Variants in RHEB observed in about 807,000 individuals in gnomAD.
RHEB encodes the protein GTP-binding protein Rheb.
A neutral mutation model predicts 28.8 loss-of-function variants in RHEB; 2 were observed. The ratio of observed to expected loss-of-function variants is 0.07; its 90% CI spans 0.03 to 0.22. The LOEUF is 0.22. Among genes scored for constraint, RHEB ranks in the 10% least tolerant of loss-of-function variants. The pLI, the probability that RHEB is intolerant of heterozygous loss-of-function variation, is 1.00. For missense variants in RHEB, 76 were observed against 219.9 expected (o/e 0.35, Z 4.14); for synonymous variants, 69 against 77.3 (o/e 0.89, Z 0.56).
At chr7:151,471,953 G>A (rs1802168430) in intron 4 of RHEB, 2 of 232,000 alleles carry the variant, frequency 8.6e-6, no homozygotes, top group South Asian at 1.6e-4. Flanking sequence ...TTCCTAGAGT[G>A]CCCTAGTACA....
intron 1 of RHEB, among the ~76,000 whole-genome samples, chr7:151,495,601 ATTATT>A (rs763803821): frequency 6.6e-6 from 1 of 152,174 alleles, no homozygotes; most frequent in Non-Finnish European, 1.5e-5. Context: ...TGTTTACAGA[ATTATT>A]TTAAGTTTTC....
intron 1 of RHEB, among the ~76,000 whole-genome samples, chr7:151,513,604 G>A (rs1371944035): frequency 3.9e-5 from 6 of 152,210 alleles, no homozygotes; most frequent in South Asian, 2.1e-4. Flanking sequence ...AGGCATGGTA[G>A]AAGATCCATT....
Position 151,474,980 on chromosome 7 carries a change from A to G in RHEB, c.275+2353T>C, listed in dbSNP as rs190805539. Reference sequence around the variant, plus strand: ...TGTTTGAGATTTGAGAATGCTCATTAAACTATGAGTTACTGAGGTAAAAGG... The same window carrying G: ...TGTTTGAGATTTGAGAATGCTCATTGAACTATGAGTTACTGAGGTAAAAGG... On this transcript the variant is annotated intron_variant, in intron 4 of 7. Transcript: ENST00000262187. Among the ~76,000 whole-genome samples, 233 of 152,368 alleles carry G rather than the reference A, an allele frequency of 1.5e-3. 1 individual carries two copies. Among genetic ancestry groups the G allele is most frequent in the African/African-American group, 5.4e-3 (226 of 41,590 alleles).
intron 1 of RHEB, among the ~76,000 whole-genome samples, chr7:151,510,392 A>C (rs936616250): frequency 6.6e-6 from 1 of 152,252 alleles, no homozygotes; most frequent in African/African-American, 2.4e-5. Flanking sequence ...CAAGTCACAT[A>C]AACTTTTTGT....
At chr7:151,485,872 G>A (rs970809675) in intron 2 of RHEB, among the ~76,000 whole-genome samples, 2 of 152,188 alleles carry the variant, frequency 1.3e-5, no homozygotes, top group African/African-American at 2.4e-5. Context: ...AAAGTCAGGT[G>A]AGTAAAGATA....
chr7:151,487,263 T>TGCA (rs1370266483), intron 2 of RHEB, among the ~76,000 whole-genome samples: 1 of 152,212 alleles, frequency 6.6e-6, no homozygotes, highest in Non-Finnish European at 1.5e-5. Context: ...ATCATGCCAC[T>TGCA]GCACTCCTGC....
At chr7:151,469,925 A>C (rs1802130768) in intron 7 of RHEB, among the ~76,000 whole-genome samples, 1 of 152,174 alleles carries the variant, frequency 6.6e-6, no homozygotes, top group African/African-American at 2.4e-5. Context: ...TAGAAAATTA[A>C]GGGCAGCAAA....
At chr7:151,485,424 A>C (rs1802454077) in intron 2 of RHEB, among the ~76,000 whole-genome samples, 1 of 152,250 alleles carries the variant, frequency 6.6e-6, no homozygotes, top group Non-Finnish European at 1.5e-5. Context: ...AAGTCAATTC[A>C]GAATTAGAGG....
At chr7:151,496,698 T>C (rs1802678006) in intron 1 of RHEB, among the ~76,000 whole-genome samples, 1 of 152,140 alleles carries the variant, frequency 6.6e-6, no homozygotes, top group South Asian at 2.1e-4. Flanking sequence ...CCAAGACAAA[T>C]CTTCCACTAC....
chr7:151,502,333 A>C, intron 1 of RHEB: 3 of 828,458 alleles, frequency 3.6e-6, no homozygotes, highest in Middle Eastern at 2.3e-4. Context: ...CAGTGGCAAA[A>C]ATGTTATCAG....
At position 151,517,174 on chromosome 7, in the gene RHEB, A is replaced by G. The variant is rs1344923965; in HGVS notation, c.52+2286T>C. Among the ~76,000 whole-genome samples the G allele has an allele frequency of 2.6e-5, 4 of 152,078 alleles. No homozygotes were observed. In the East Asian group the frequency reaches 7.7e-4, roughly 29 times the overall value. On this transcript the variant is annotated intron_variant, in intron 1 of 7. Transcript: ENST00000262187. The stretch of plus-strand genomic sequence containing the variant: ...AGGTCAGGCGTTTGAGACAAGCCTG[A>G]CGTTTGGCCAAGTGGTGAAACCCGT...
chr7:151,469,566 T>C (rs533518588), intron 7 of RHEB, among the ~76,000 whole-genome samples: 72 of 152,098 alleles, frequency 4.7e-4, no homozygotes, highest in South Asian at 6.2e-4. Flanking sequence ...CTCAGAGAAA[T>C]GAAAACCAAG....
At chr7:151,483,787 G>A (rs1201743342) in intron 3 of RHEB, among the ~76,000 whole-genome samples, 1 of 152,140 alleles carries the variant, frequency 6.6e-6, no homozygotes, top group Non-Finnish European at 1.5e-5. Context: ...AGTGAAGAAG[G>A]GTAAATTCAG....
chr7:151,470,419 C>T (rs1038258030), intron 7 of RHEB, 152 bp downstream of exon 7: 2 of 556,196 alleles, frequency 3.6e-6, no homozygotes, highest in Non-Finnish European at 6.5e-6. Context: ...GTAGTATCTT[C>T]CTAAAGCAAC....
At chr7:151,517,500 G>A (rs1252770656) in intron 1 of RHEB, among the ~76,000 whole-genome samples, 1 of 151,690 alleles carries the variant, frequency 6.6e-6, no homozygotes, top group African/African-American at 2.4e-5. Context: ...AAATACTGAA[G>A]ACAGAAAATA....
chr7:151,501,490 T>C (rs374207332), intron 1 of RHEB, among the ~76,000 whole-genome samples: 124 of 152,314 alleles, frequency 8.1e-4, no homozygotes, highest in Admixed American at 1.1e-3. Context: ...CACTCACCCA[T>C]TGCCTGTGGG....
intron 1 of RHEB, among the ~76,000 whole-genome samples, chr7:151,505,175 A>C (rs1361428480): frequency 2.0e-5 from 3 of 152,080 alleles, no homozygotes; most frequent in Non-Finnish European, 2.9e-5. Context: ...AAAACAAAAA[A>C]AAAAACGAAA....
In RHEB at chr7:151,471,566, A is replaced by G. The variant is rs1452220145; in HGVS notation, c.315T>C (p.Asp105=). The change falls in exon 5 of 8, where the codon GAT becomes GAC. Residue 105 remains aspartate (D), a synonymous_variant. Coordinates refer to ENST00000262187, the MANE Select transcript of RHEB (RefSeq NM_005614.4). ...VIKVIHGKLL[D]MVGKVQIPIM... is the part of the protein sequence containing the mutation. ...CTACTTACTGTACTTTCCCCACCAT[A>G]TCCAACAATTTGCCATGGATAACTT... The G allele has an allele frequency of 6.2e-7, 1 of 1,605,888 alleles. No individual in the cohort carries two copies. Among genetic ancestry groups the G allele is most frequent in the Non-Finnish European group, 8.5e-7 (1 of 1,174,982 alleles).
chr7:151,471,022 G>A (rs953555914), intron 6 of RHEB, among the ~76,000 whole-genome samples: 47 of 152,226 alleles, frequency 3.1e-4, no homozygotes, highest in Non-Finnish European at 6.8e-4. Context: ...TTGCATGCAG[G>A]CTGTAGAGTC....
Sources: gnomAD v4.1 joint callset for allele counts (sites outside exome capture counted in the v4.1 genomes callset) on GRCh38, gnomAD v4.1.1 for gene constraint, MANE v1.5 for transcripts, NCBI Gene and HGNC (gene_info 2026-07-23, HGNC 2026-07-21) for gene names.